The following SGK1 variants were observed in gnomAD, a reference collection of about 807,000 sequenced individuals.
The protein encoded by SGK1 is serine/threonine-protein kinase Sgk1.
A neutral mutation model predicts 64.2 loss-of-function variants in SGK1; 26 were observed. The observed-to-expected ratio is 0.40, with a 90% CI of 0.30 to 0.56. The LOEUF (loss-of-function observed/expected upper bound fraction) is 0.56. SGK1 is among the 20% of genes least tolerant of loss of function. The probability of loss-of-function intolerance (pLI) is 0.38; values close to 1 mark genes in which losing one functional copy is unlikely to be tolerated. For missense variants in SGK1, 519 were observed against 645.6 expected (o/e 0.80, Z 2.12); for synonymous variants, 265 against 239.7 (o/e 1.11, Z -0.98).
In SGK1 at chr6:134,171,012, A is replaced by T; in HGVS notation, c.1323+11T>A. ...CCGGCCGGCCCAGGAGGACAGGAAA[A>T]CATCACTCACGAAGTCATCCTTGGC... On this transcript the variant is annotated intron_variant, in intron 12 of 13. Coordinates refer to ENST00000367858, the MANE Select transcript of SGK1 (RefSeq NM_001143676.3). The T allele has an allele frequency of 1.9e-6, 3 of 1,613,938 alleles. No homozygotes were observed. Among genetic ancestry groups the T allele is most frequent in the Non-Finnish European group, 2.5e-6 (3 of 1,179,902 alleles).
rs1775158048 is a variant in SGK1 at position 134,174,704 on chromosome 6, A to C, written c.362-118T>G. 7 of 1,613,966 alleles carry C rather than the reference A, an allele frequency of 4.3e-6. No homozygotes were observed. In the African/African-American group the frequency reaches 9.3e-5, roughly 22 times the overall value. On this transcript the variant is annotated intron_variant, in intron 3 of 13. Transcript: ENST00000367858. ...ATTTCCACTTTGCGTCTCCTGGAGC[A>C]GAAGTCCCGCAAGATTCCTGCACTC...
intron 2 of SGK1, among the ~76,000 whole-genome samples, chr6:134,219,451 T>C (rs1483874082): frequency 6.6e-6 from 1 of 152,132 alleles, no homozygotes; most frequent in Non-Finnish European, 1.5e-5. Context: ...ATCTAGATTG[T>C]TTGCATTCTA....
At chr6:134,238,226 G>T (rs530436797) in intron 2 of SGK1, among the ~76,000 whole-genome samples, 2 of 152,288 alleles carry the variant, frequency 1.3e-5, no homozygotes, top group East Asian at 1.9e-4. Flanking sequence ...AGCAAGAAAT[G>T]GGTTGATTTA....
At chr6:134,246,359 G>A (rs77927215) in intron 2 of SGK1, among the ~76,000 whole-genome samples, 11,769 of 150,950 alleles carry the variant, frequency 0.078, 778 homozygotes, top group East Asian at 0.26. Flanking sequence ...GTTTCACCAT[G>A]TTGTTAGGGC....
At chr6:134,184,248 C>T (rs189451985) in intron 3 of SGK1, among the ~76,000 whole-genome samples, 24 of 152,144 alleles carry the variant, frequency 1.6e-4, no homozygotes, top group African/African-American at 5.3e-4. Context: ...CCTGTAATAT[C>T]AGAACTTTGG....
chr6:134,196,789 G>A (rs1246533687), intron 3 of SGK1, among the ~76,000 whole-genome samples: 1 of 152,252 alleles, frequency 6.6e-6, no homozygotes, highest in Non-Finnish European at 1.5e-5. Context: ...GAGTGACAGA[G>A]TGAGTGGGTC....
At chr6:134,173,955 C>T in intron 5 of SGK1, 50 bp downstream of exon 5, 2 of 1,272,682 alleles carry the variant, frequency 1.6e-6, no homozygotes, top group Non-Finnish European at 1.1e-6. Context: ...GGAATACTAA[C>T]TGACTCCCTT....
rs1189833351 is a variant in SGK1, at chr6:134,174,836, A to G, written c.362-250T>C. ...CACCGCGGGGAGACAGAAAGACGTT[A>G]GCGCTCAAAGACCGGCTCGGCGTAT... On this transcript the variant is annotated intron_variant, in intron 3 of 13. Transcript: ENST00000367858. 6.2e-6 allele frequency: 10 copies of G among 1,613,630 alleles called. No homozygotes were observed. In the South Asian group the frequency reaches 7.7e-5, roughly 12 times the overall value.
chr6:134,285,421 C>T (rs1351835459), intron 1 of SGK1, among the ~76,000 whole-genome samples: 11 of 146,394 alleles, frequency 7.5e-5, no homozygotes, highest in African/African-American at 1.8e-4. Context: ...GAGGTTGCAG[C>T]GAGCTGAGAT....
intron 3 of SGK1, among the ~76,000 whole-genome samples, chr6:134,186,020 A>C (rs192106648): frequency 1.3e-5 from 2 of 151,818 alleles, no homozygotes; most frequent in Admixed American, 6.5e-5. Flanking sequence ...CCAGACTCAC[A>C]CATCAGTCTC....
chr6:134,174,846 G>A lies in SGK1; in HGVS notation c.362-260C>T, dbSNP rs935720199. 9.9e-6 allele frequency: 16 copies of A among 1,613,000 alleles called. No individual in the cohort carries two copies. The African/African-American group carries it at 1.7e-4, about 17-fold the overall frequency. ...AGACAGAAAGACGTTAGCGCTCAAA[G>A]ACCGGCTCGGCGTATGCTGCGCCAG... On this transcript the variant is annotated intron_variant, in intron 3 of 13. Coordinates refer to ENST00000367858, the MANE Select transcript of SGK1 (RefSeq NM_001143676.3).
At chr6:134,178,786 C>G (rs1775288084) in intron 3 of SGK1, among the ~76,000 whole-genome samples, 1 of 152,044 alleles carries the variant, frequency 6.6e-6, no homozygotes, top group Non-Finnish European at 1.5e-5. Flanking sequence ...ATATAGACGG[C>G]TTGATAGGAG....
At chr6:134,194,980 T>C (rs537148729) in intron 3 of SGK1, among the ~76,000 whole-genome samples, 30 of 152,342 alleles carry the variant, frequency 2.0e-4, no homozygotes, top group African/African-American at 7.2e-4. Context: ...ACTAGACTTT[T>C]TGATCTGCTG....
At position 134,223,586 on chromosome 6, in the gene SGK1, C is replaced by T. The variant is rs184036252; in HGVS notation, c.286-16155G>A. Reference sequence around the variant, plus strand: ...TAGAAATCGGGATTTGGATTTTATGCGAGGTTCTGGGAAAAATGTTCCTAC... The same window carrying T: ...TAGAAATCGGGATTTGGATTTTATGTGAGGTTCTGGGAAAAATGTTCCTAC... On this transcript the variant is annotated intron_variant, in intron 2 of 13. Coordinates refer to ENST00000367858, the MANE Select transcript of SGK1 (RefSeq NM_001143676.3). Among the ~76,000 whole-genome samples, 55 of 152,164 alleles carry T rather than the reference C, an allele frequency of 3.6e-4. 1 individual carries two copies. Among genetic ancestry groups the T allele is most frequent in the Admixed American group, 1.1e-3 (17 of 15,264 alleles).
chr6:134,179,219 C>T (rs916013980), intron 3 of SGK1, among the ~76,000 whole-genome samples: 3 of 151,944 alleles, frequency 2.0e-5, no homozygotes, highest in South Asian at 2.1e-4. Context: ...CATGATTCCC[C>T]GGGTATGTTA....
At chr6:134,235,544 T>G (rs1254689726) in intron 2 of SGK1, among the ~76,000 whole-genome samples, 1 of 89,382 alleles carries the variant, frequency 1.1e-5, no homozygotes, top group African/African-American at 7.4e-5. Flanking sequence ...TAGATATTTT[T>G]ATTTATTTAT....
At chr6:134,170,695 G>A (rs1338393105) in intron 13 of SGK1, 131 bp downstream of exon 13, 4 of 749,882 alleles carry the variant, frequency 5.3e-6, no homozygotes, top group African/African-American at 3.5e-5. Flanking sequence ...TGCTTTTTAT[G>A]TAGGTAAAAT....
At chr6:134,263,512 G>A (rs1776799742) in intron 1 of SGK1, among the ~76,000 whole-genome samples, 1 of 151,946 alleles carries the variant, frequency 6.6e-6, no homozygotes, top group Admixed American at 6.6e-5. Flanking sequence ...TTACAGGCAT[G>A]AGCCACTGAA....
chr6:134,279,860 A>G (rs528297899), intron 1 of SGK1, among the ~76,000 whole-genome samples: 2 of 152,278 alleles, frequency 1.3e-5, no homozygotes, highest in East Asian at 3.9e-4. Context: ...CTGGTTAAGT[A>G]AAATATAAAC....
Sources: allele counts gnomAD v4.1 joint callset (sites outside exome capture counted in the v4.1 genomes callset), GRCh38; gene constraint gnomAD v4.1.1; transcripts MANE v1.5; gene names NCBI Gene and HGNC (gene_info 2026-07-23, HGNC 2026-07-21).